Variants in RAPGEF2 observed in about 807,000 individuals in gnomAD.
RAPGEF2 encodes Rap guanine nucleotide exchange factor 2.
RAPGEF2 carries 54 observed loss-of-function variants against 186.7 expected under a neutral mutation model. That is an observed-to-expected ratio of 0.29 (90% CI 0.23 to 0.36). RAPGEF2 has a LOEUF of 0.36. Among genes scored for constraint, RAPGEF2 ranks in the 10% least tolerant of loss-of-function variants. RAPGEF2 has a pLI of 1.00. For missense variants in RAPGEF2, 1,532 were observed against 2,045.0 expected (o/e 0.75, Z 4.84); for synonymous variants, 712 against 705.9 (o/e 1.01, Z -0.14).
intron 7 of RAPGEF2, chr4:159,282,696 A>G: frequency 4.5e-6 from 2 of 442,160 alleles, no homozygotes; most frequent in Non-Finnish European, 9.0e-6. Flanking sequence ...TTGCTTAAGA[A>G]ATGATCAAGG....
Position 159,352,670 on chromosome 4 carries a change from G to A in RAPGEF2, c.3866-15G>A, listed in dbSNP as rs765749476. ...CCTAGAGAGTCTAATTAATACGGTTGTATTTCTCATGCAGGCTATACTTTG... is the reference window on the plus strand; with the variant it reads ...CCTAGAGAGTCTAATTAATACGGTTATATTTCTCATGCAGGCTATACTTTG... On this transcript the variant is annotated splice_polypyrimidine_tract_variant and intron_variant, in intron 26 of 29. Coordinates refer to ENST00000691494, the MANE Select transcript of RAPGEF2 (RefSeq NM_001394067.2). The A allele has an allele frequency of 5.0e-6, 8 of 1,586,848 alleles. No individual in the cohort carries two copies. Among genetic ancestry groups the A allele is most frequent in the Non-Finnish European group, 5.2e-6 (6 of 1,155,336 alleles).
At chr4:159,264,188 A>G (rs957612389) in intron 7 of RAPGEF2, among the ~76,000 whole-genome samples, 1 of 152,152 alleles carries the variant, frequency 6.6e-6, no homozygotes, top group Admixed American at 6.6e-5. Context: ...TTCAACATAC[A>G]AGATAGTGTG....
intron 7 of RAPGEF2, among the ~76,000 whole-genome samples, chr4:159,262,917 C>T (rs1017329244): frequency 1.3e-5 from 2 of 151,958 alleles, no homozygotes; most frequent in African/African-American, 2.4e-5. Context: ...TGATACTGAA[C>T]ATGAACTCAA....
At chr4:159,192,604 A>T (rs1181091926) in intron 2 of RAPGEF2, among the ~76,000 whole-genome samples, 1 of 152,228 alleles carries the variant, frequency 6.6e-6, no homozygotes, top group Non-Finnish European at 1.5e-5. Flanking sequence ...ATATTTAAAA[A>T]TTATTCATGT....
At chr4:159,152,970 T>C (rs1373448499) in intron 1 of RAPGEF2, among the ~76,000 whole-genome samples, 2 of 152,262 alleles carry the variant, frequency 1.3e-5, no homozygotes, top group East Asian at 3.8e-4. Flanking sequence ...CTATTTTAGC[T>C]AATGGTTTTA....
chr4:159,161,447 G>C (rs1421946850), intron 1 of RAPGEF2, among the ~76,000 whole-genome samples: 1 of 152,212 alleles, frequency 6.6e-6, no homozygotes, highest in African/African-American at 2.4e-5. Context: ...GTTTATGCCT[G>C]TAATCCCAGC....
intron 7 of RAPGEF2, among the ~76,000 whole-genome samples, chr4:159,265,231 G>A (rs1253521836): frequency 1.3e-5 from 2 of 152,186 alleles, no homozygotes; most frequent in African/African-American, 4.8e-5. Flanking sequence ...AGACAGATAT[G>A]GCACCAGCCA....
chr4:159,312,667 T>A (rs1331944038), intron 8 of RAPGEF2, among the ~76,000 whole-genome samples: 20 of 152,228 alleles, frequency 1.3e-4, no homozygotes, highest in Non-Finnish European at 4.4e-5. Context: ...CTGTCTTCAA[T>A]TATTTTCCCC....
chr4:159,242,350 C>CT (rs574582520), intron 6 of RAPGEF2, among the ~76,000 whole-genome samples: 14 of 151,284 alleles, frequency 9.3e-5, no homozygotes, highest in Non-Finnish European at 1.8e-4. Context: ...TTTCCTTTAC[C>CT]TTTTTTTTCT....
chr4:159,139,010 G>A (rs115886928), intron 1 of RAPGEF2, among the ~76,000 whole-genome samples: 2,261 of 152,274 alleles, frequency 0.015, 69 homozygotes, highest in African/African-American at 0.051. Flanking sequence ...CATCTGACTA[G>A]GTAACATTTT....
chr4:159,341,958 A>C lies in RAPGEF2; in HGVS notation c.2918+11A>C, dbSNP rs758342151. On this transcript the variant is annotated intron_variant, in intron 20 of 29. Transcript: ENST00000691494. ...GTTTGCAATCATCAGGTAAGAGAGC[A>C]CATTTTTTCTTAAGATTCAGTTCAG... 1 of 1,560,348 alleles carries C rather than the reference A, an allele frequency of 6.4e-7. No individual in the cohort carries two copies. Among genetic ancestry groups the C allele is most frequent in the East Asian group, 2.2e-5 (1 of 44,528 alleles).
chr4:159,305,089 A>G (rs537863260), intron 8 of RAPGEF2, among the ~76,000 whole-genome samples: 50 of 152,292 alleles, frequency 3.3e-4, no homozygotes, highest in African/African-American at 1.1e-3. Context: ...ATTGATGAAC[A>G]CTTTGGTTGA....
chr4:159,152,153 C>T (rs1269454193), intron 1 of RAPGEF2, among the ~76,000 whole-genome samples: 2 of 152,100 alleles, frequency 1.3e-5, no homozygotes, highest in Non-Finnish European at 2.9e-5. Context: ...AAAACCTCGT[C>T]TCTACAAAAA....
At chr4:159,130,466 T>A (rs1241414637) in intron 1 of RAPGEF2, among the ~76,000 whole-genome samples, 1 of 152,180 alleles carries the variant, frequency 6.6e-6, no homozygotes, top group African/African-American at 2.4e-5. Context: ...TGAGCTCAAG[T>A]GATCCTCCCA....
At position 159,144,766 on chromosome 4, in the gene RAPGEF2, G is replaced by A. The variant is rs531999629; in HGVS notation, c.69+40535G>A. Among the ~76,000 whole-genome samples, 5 of 152,062 alleles carry A rather than the reference G, an allele frequency of 3.3e-5. No homozygotes were observed. The South Asian group carries it at 1.0e-3, about 31-fold the overall frequency. On this transcript the variant is annotated intron_variant, in intron 1 of 29. Coordinates refer to ENST00000691494, the MANE Select transcript of RAPGEF2 (RefSeq NM_001394067.2). Reference sequence around the variant, plus strand: ...AGCTGCCTTGTAACATCTTTGATGGGTCTAGGAATTATAGAGAAAGCATAG... The same window carrying A: ...AGCTGCCTTGTAACATCTTTGATGGATCTAGGAATTATAGAGAAAGCATAG...
intron 7 of RAPGEF2, among the ~76,000 whole-genome samples, chr4:159,254,843 C>T (rs1011154975): frequency 2.6e-5 from 4 of 152,032 alleles, no homozygotes; most frequent in African/African-American, 7.2e-5. Flanking sequence ...TCAGGTGATC[C>T]GCCTGCCTCG....
At chr4:159,355,601 A>C (rs923361172) in intron 28 of RAPGEF2, among the ~76,000 whole-genome samples, 1 of 152,160 alleles carries the variant, frequency 6.6e-6, no homozygotes, top group Non-Finnish European at 1.5e-5. Context: ...CCATTTAAAG[A>C]TAAAAGTACT....
rs570469065 is a variant in RAPGEF2 at position 159,161,850 on chromosome 4, A to G, written c.70-24792A>G. Reference sequence around the variant, plus strand: ...TTTGATGCATAAACCAAGGATGGTGATACCTTTCAAGAATCTAACTGGTGC... The same window carrying G: ...TTTGATGCATAAACCAAGGATGGTGGTACCTTTCAAGAATCTAACTGGTGC... On this transcript the variant is annotated intron_variant, in intron 1 of 29. Coordinates refer to ENST00000691494, the MANE Select transcript of RAPGEF2 (RefSeq NM_001394067.2). 4.6e-5 allele frequency among the ~76,000 whole-genome samples: 7 copies of G among 152,380 alleles called. No individual in the cohort carries two copies. In the South Asian group the frequency reaches 1.4e-3, roughly 32 times the overall value.
intron 1 of RAPGEF2, among the ~76,000 whole-genome samples, chr4:159,125,943 G>A (rs1377928109): frequency 6.6e-6 from 1 of 152,122 alleles, no homozygotes; most frequent in Non-Finnish European, 1.5e-5. Flanking sequence ...TTTGGCAACA[G>A]TATCTTGCCA....
Sources: gnomAD v4.1 joint callset for allele counts (sites outside exome capture counted in the v4.1 genomes callset) on GRCh38, gnomAD v4.1.1 for gene constraint, MANE v1.5 for transcripts, NCBI Gene and HGNC (gene_info 2026-07-23, HGNC 2026-07-21) for gene names.